The following MYH15 variants were observed in gnomAD, a reference collection of about 807,000 sequenced individuals.
MYH15 encodes myosin heavy chain 15.
In MYH15, 227 loss-of-function variants were observed where a neutral mutation model predicts 240.5. That is an observed-to-expected ratio of 0.94 (90% confidence interval 0.85 to 1.05). MYH15 has a LOEUF of 1.05. Among genes scored for constraint, MYH15 ranks in the 50% least tolerant of loss-of-function variants. MYH15 has a pLI of 0.00. For missense variants in MYH15, 2,217 were observed against 2,247.5 expected, an observed-to-expected ratio of 0.99 and a Z score of 0.27; for synonymous variants, 785 against 796.7, an observed-to-expected ratio of 0.99 and a Z score of 0.25.
the MYH15 span, among the ~76,000 whole-genome samples, chr3:108,547,655 C>G: frequency 6.6e-6 from 1 of 152,092 alleles, no homozygotes; most frequent in Non-Finnish European, 1.5e-5. Flanking sequence ...CTGAAAAACT[C>G]TAAGTACTAT....
At chr3:108,419,884 G>T (rs1022741700) in intron 28 of MYH15, among the ~76,000 whole-genome samples, 1 of 151,768 alleles carries the variant, frequency 6.6e-6, no homozygotes, top group South Asian at 2.1e-4. Context: ...TATTTTCATT[G>T]ACCTAAGAAT....
At chr3:108,501,965 T>C (rs927256485) in intron 2 of MYH15, 110 bp from the exon 3 acceptor site, 2 of 1,192,368 alleles carry the variant, frequency 1.7e-6, no homozygotes, top group East Asian at 2.4e-5. Context: ...TGATGCCTCA[T>C]TAGGGGATGG....
At chr3:108,446,261 G>A (rs974931731) in intron 21 of MYH15, among the ~76,000 whole-genome samples, 1 of 152,094 alleles carries the variant, frequency 6.6e-6, no homozygotes, top group South Asian at 2.1e-4. Flanking sequence ...AGACACCAAG[G>A]CCTGCCCATG....
chr3:108,418,994 C>T (rs751876606), intron 28 of MYH15, among the ~76,000 whole-genome samples: 1 of 152,150 alleles, frequency 6.6e-6, no homozygotes, highest in Non-Finnish European at 1.5e-5. Context: ...CTCAAGTGAT[C>T]CGCCTACCTC....
chr3:108,458,011 G>A (rs2107579432), intron 18 of MYH15, among the ~76,000 whole-genome samples: 1 of 152,264 alleles, frequency 6.6e-6, no homozygotes, highest in Non-Finnish European at 1.5e-5. Flanking sequence ...TTCAGCCACT[G>A]CACTCTAGTC....
intron 8 of MYH15, 137 bp downstream of exon 8, chr3:108,492,977 G>C: frequency 2.9e-6 from 2 of 687,282 alleles, no homozygotes; most frequent in Non-Finnish European, 2.5e-6. Context: ...GGAAGGAAGG[G>C]AGAAAAAGAA....
Position 108,467,620 on chromosome 3 carries a change from T to C in MYH15, c.1554+2422A>G, listed in dbSNP as rs190428104. ...AGAAATTTTCCAAAGAGCTAAATTA[T>C]TGGAAGAAGTATGTTGCCTTCTAGG... On this transcript the variant is annotated intron_variant, in intron 14 of 40. Coordinates refer to ENST00000693548, the MANE Select transcript of MYH15 (RefSeq NM_014981.3). 7.6e-4 allele frequency among the ~76,000 whole-genome samples: 115 copies of C among 152,288 alleles called. 1 individual carries two copies. The highest frequency in any genetic ancestry group is 1.5e-3 in the Non-Finnish European group (103 of 68,014).
intron 1 of MYH15, among the ~76,000 whole-genome samples, chr3:108,526,901 A>G (rs1035426377): frequency 6.6e-6 from 1 of 152,188 alleles, no homozygotes; most frequent in East Asian, 1.9e-4. Context: ...GATCAAACGC[A>G]GTGAGTTAAA....
At chr3:108,460,107 T>C (rs1416916114) in intron 17 of MYH15, among the ~76,000 whole-genome samples, 193 bp downstream of exon 17, 1 of 152,134 alleles carries the variant, frequency 6.6e-6, no homozygotes, top group Non-Finnish European at 1.5e-5. Context: ...GGTGCAGGCA[T>C]GATAAAGGGG....
chr3:108,530,366 G>A (rs1056112299), upstream of MYH15, among the ~76,000 whole-genome samples: 2 of 152,150 alleles, frequency 1.3e-5, no homozygotes, highest in African/African-American at 4.8e-5. Context: ...TTTGACAATT[G>A]TATGACATTC....
At chr3:108,465,652 C>T (rs777140106) in intron 14 of MYH15, among the ~76,000 whole-genome samples, 29 of 152,140 alleles carry the variant, frequency 1.9e-4, no homozygotes, top group Admixed American at 9.8e-4. Context: ...AAAAAACAAA[C>T]AGATTGGGTG....
chr3:108,447,464 CA>C (rs367777824), intron 21 of MYH15, among the ~76,000 whole-genome samples: 7 of 151,738 alleles, frequency 4.6e-5, no homozygotes, highest in African/African-American at 1.2e-4. Flanking sequence ...TTGAATGCAG[CA>C]AAACAAAAGT....
intron 1 of MYH15, among the ~76,000 whole-genome samples, chr3:108,521,159 T>G (rs2083615386): frequency 6.6e-6 from 1 of 152,144 alleles, no homozygotes; most frequent in Non-Finnish European, 1.5e-5. Flanking sequence ...AAGTGTCTTG[T>G]CTATCCAAGG....
chr3:108,425,977 G>A (rs1377177097), intron 27 of MYH15, among the ~76,000 whole-genome samples: 2 of 152,176 alleles, frequency 1.3e-5, no homozygotes, highest in Admixed American at 6.5e-5. Context: ...GCTGAACTAT[G>A]CCCTGGTCCC....
intron 18 of MYH15, 116 bp from the exon 19 acceptor site, chr3:108,456,999 A>G (rs957693998): frequency 1.4e-6 from 1 of 722,484 alleles, no homozygotes; most frequent in Non-Finnish European, 2.4e-6. Flanking sequence ...GATAGTTTCC[A>G]CATGATAGGT....
intron 4 of MYH15, 142 bp from the exon 5 acceptor site, chr3:108,499,624 ACCCCTCAAAT>A: frequency 1.2e-6 from 1 of 800,314 alleles, no homozygotes; most frequent in Non-Finnish European, 2.0e-6. Flanking sequence ...AGAAAAACAT[ACCCCTCAAAT>A]GGTACAGGGT....
chr3:108,382,738 A>G (rs1190222931), intron 40 of MYH15, among the ~76,000 whole-genome samples: 1 of 152,162 alleles, frequency 6.6e-6, no homozygotes, highest in East Asian at 1.9e-4. Context: ...AAACACAGAG[A>G]AAGAGGGCTG....
intron 25 of MYH15, among the ~76,000 whole-genome samples, chr3:108,431,123 T>G (rs1247965188): frequency 6.6e-6 from 1 of 152,224 alleles, no homozygotes; most frequent in Non-Finnish European, 1.5e-5. Flanking sequence ...ACAATTATTA[T>G]ATATCAATAA....
intron 38 of MYH15, 134 bp downstream of exon 38, chr3:108,388,836 G>C (rs923238189): frequency 3.0e-6 from 2 of 666,600 alleles, no homozygotes; most frequent in Non-Finnish European, 5.1e-6. Context: ...GGGTGAGTCA[G>C]TGTCTACTGC....
Sources: gnomAD v4.1 joint callset for allele counts (sites outside exome capture counted in the v4.1 genomes callset) on GRCh38, gnomAD v4.1.1 for gene constraint, MANE v1.5 for transcripts, NCBI Gene and HGNC (gene_info 2026-07-23, HGNC 2026-07-21) for gene names.